The following ARHGAP42 variants were observed in gnomAD, a reference collection of about 807,000 sequenced individuals.
The protein encoded by ARHGAP42 is rho GTPase-activating protein 42.
In ARHGAP42, 63 loss-of-function variants were observed where a neutral mutation model predicts 125.0. The observed-to-expected ratio is 0.50, with a 90% confidence interval of 0.41 to 0.62. ARHGAP42 has a LOEUF of 0.62. ARHGAP42 is among the 20% of genes least tolerant of loss of function. The pLI, the probability that ARHGAP42 is intolerant of heterozygous loss-of-function variation, is 0.00. For synonymous variants in ARHGAP42, 339 were observed against 351.0 expected (o/e 0.97, Z 0.38); for missense variants, 766 against 1,024.2 (o/e 0.75, Z 3.44).
chr11:100,881,704 C>T (rs7342285), intron 4 of ARHGAP42, among the ~76,000 whole-genome samples: 1,831 of 152,182 alleles, frequency 0.012, 42 homozygotes, highest in African/African-American at 0.041. Context: ...TCTACCCATC[C>T]GTGAGCATGG....
At chr11:100,722,021 A>G (rs1488234564) in intron 1 of ARHGAP42, among the ~76,000 whole-genome samples, 1 of 152,216 alleles carries the variant, frequency 6.6e-6, no homozygotes, top group African/African-American at 2.4e-5. Flanking sequence ...AGAAACTGCC[A>G]AACTTTTCCA....
At chr11:100,975,919 C>A in intron 19 of ARHGAP42, 138 bp from the exon 20 acceptor site, 1 of 881,962 alleles carries the variant, frequency 1.1e-6, no homozygotes, top group Non-Finnish European at 1.6e-6. Context: ...GTTCTCCGTA[C>A]TAGGTAGGGG....
chr11:100,799,823 G>GA, intron 3 of ARHGAP42, among the ~76,000 whole-genome samples: 1 of 152,196 alleles, frequency 6.6e-6, no homozygotes, highest in East Asian at 1.9e-4. Flanking sequence ...GTAGGCATCA[G>GA]AGGAAAAGCT....
At chr11:100,839,999 A>G (rs1242161082) in intron 3 of ARHGAP42, 1 of 152,200 alleles carries the variant, frequency 6.6e-6, no homozygotes. Flanking sequence ...AGAGACCTGA[A>G]TTTTTATTTT....
chr11:100,848,261 T>C (rs181069247), intron 3 of ARHGAP42, among the ~76,000 whole-genome samples: 2 of 152,302 alleles, frequency 1.3e-5, no homozygotes, highest in Admixed American at 1.3e-4. Context: ...TCCAACATTT[T>C]CAGATTAGTA....
intron 1 of ARHGAP42, among the ~76,000 whole-genome samples, chr11:100,715,132 T>G (rs749737035): frequency 4.6e-5 from 7 of 152,166 alleles, no homozygotes; most frequent in Non-Finnish European, 7.3e-5. Flanking sequence ...TGTGTAGTTT[T>G]TTAGCTTTTG....
chr11:100,932,322 C>G (rs977899622), intron 6 of ARHGAP42, among the ~76,000 whole-genome samples: 2 of 152,110 alleles, frequency 1.3e-5, no homozygotes, highest in Non-Finnish European at 2.9e-5. Context: ...AAAATGTTTT[C>G]TAACTTTATT....
chr11:100,914,909 A>G (rs1464424162), intron 5 of ARHGAP42, among the ~76,000 whole-genome samples: 2 of 152,082 alleles, frequency 1.3e-5, no homozygotes, highest in Non-Finnish European at 2.9e-5. Context: ...ATAGGAGTGT[A>G]ATTTTGGCAT....
At chr11:100,873,726 C>A (rs530429293) in intron 4 of ARHGAP42, among the ~76,000 whole-genome samples, 3 of 152,216 alleles carry the variant, frequency 2.0e-5, no homozygotes, top group Admixed American at 2.0e-4. Flanking sequence ...GAGGTAGGGC[C>A]TATTATTTTC....
At chr11:100,819,403 C>G (rs1000517564) in intron 3 of ARHGAP42, among the ~76,000 whole-genome samples, 3 of 151,876 alleles carry the variant, frequency 2.0e-5, no homozygotes, top group Non-Finnish European at 4.4e-5. Context: ...GTTTGGGGTA[C>G]AGGGCTGAGG....
At chr11:100,741,177 C>G (rs955837049) in intron 1 of ARHGAP42, among the ~76,000 whole-genome samples, 7 of 152,062 alleles carry the variant, frequency 4.6e-5, no homozygotes, top group African/African-American at 9.7e-5. Flanking sequence ...ATTACAGGCA[C>G]CTGCCACCAC....
intron 4 of ARHGAP42, among the ~76,000 whole-genome samples, chr11:100,878,795 T>C (rs1218982764): frequency 6.6e-6 from 1 of 152,042 alleles, no homozygotes; most frequent in Non-Finnish European, 1.5e-5. Context: ...TCTGCACCCA[T>C]TACAACACTG....
At chr11:100,858,117 G>GTGTTTGTGTGTT (rs1555012597) in intron 3 of ARHGAP42, among the ~76,000 whole-genome samples, 1 of 134,536 alleles carries the variant, frequency 7.4e-6, no homozygotes, top group East Asian at 2.8e-4. Flanking sequence ...GTGTGTGTGT[G>GTGTTTGTGTGTT]TGTGTGTTTA....
intron 4 of ARHGAP42, among the ~76,000 whole-genome samples, chr11:100,898,006 A>T (rs966078085): frequency 6.6e-6 from 1 of 152,188 alleles, no homozygotes; most frequent in Non-Finnish European, 1.5e-5. Flanking sequence ...TTATTTTGAG[A>T]TACATCCCAT....
chr11:100,965,728 C>T lies in ARHGAP42; in HGVS notation c.1502C>T (p.Pro501Leu). ...GTACATGCATTGGTGCACAAATTGC[C>T]GGAGAAAAACAGAGAGATGCTGGAC... is the stretch of plus-strand genomic sequence containing the variant. ...EAVHALVHKLPEKNREMLDIL... is the reference protein window; with the variant it reads ...EAVHALVHKLLEKNREMLDIL... Residue 501 changes from proline (P) to leucine (L), a missense_variant, in exon 17 of 24, where the codon CCG (proline) becomes CTG (leucine). By Grantham distance (98) the Pro-to-Leu change is moderately conservative. Around this residue, in one of 3 missense-constraint regions of ARHGAP42, gnomAD observed 455 missense variants for 636.5 expected, o/e 0.71. Transcript: ENST00000298815. 1.3e-6 allele frequency: 2 copies of T among 1,550,920 alleles called. No homozygotes were observed. Among genetic ancestry groups the T allele is most frequent in the Non-Finnish European group, 1.7e-6 (2 of 1,146,802 alleles).
intron 1 of ARHGAP42, among the ~76,000 whole-genome samples, chr11:100,705,699 ACCTTACCTG>A (rs1861471800): frequency 6.6e-6 from 1 of 152,110 alleles, no homozygotes; most frequent in African/African-American, 2.4e-5. Context: ...CAATATCTTT[ACCTTACCTG>A]GACACATGCA....
chr11:100,764,315 T>C (rs548165), intron 1 of ARHGAP42, among the ~76,000 whole-genome samples: 12 of 152,184 alleles, frequency 7.9e-5, no homozygotes, highest in Non-Finnish European at 1.5e-5. Context: ...TGAGCCAATA[T>C]GCCTAGCCCC....
At chr11:100,689,204 T>C (rs919226257) in intron 1 of ARHGAP42, among the ~76,000 whole-genome samples, 3 of 152,202 alleles carry the variant, frequency 2.0e-5, no homozygotes, top group Non-Finnish European at 4.4e-5. Context: ...ATAATGGTAT[T>C]TACTGTGATT....
chr11:100,757,843 T>G (rs1395365541), intron 1 of ARHGAP42, among the ~76,000 whole-genome samples: 1 of 152,178 alleles, frequency 6.6e-6, no homozygotes, highest in Non-Finnish European at 1.5e-5. Flanking sequence ...TTTGACAGTG[T>G]GCTTTTTTGT....
Sources: gnomAD v4.1 joint callset for allele counts (sites outside exome capture counted in the v4.1 genomes callset) on GRCh38, gnomAD v4.1.1 for gene constraint, gnomAD v4.1.1 regional missense constraint, MANE v1.5 for transcripts, NCBI Gene and HGNC (gene_info 2026-07-23, HGNC 2026-07-21) for gene names.